The following ATP8B4 variants were observed in gnomAD, a reference collection of about 807,000 sequenced individuals.
ATP8B4 encodes the protein ATPase phospholipid transporting 8B4 (putative).
ATP8B4 carries 133 observed loss-of-function variants against 145.6 expected under a neutral mutation model. The ratio of observed to expected loss-of-function variants is 0.91; its 90% CI spans 0.79 to 1.05. The LOEUF (loss-of-function observed/expected upper bound fraction) is 1.05, where lower values mean the gene tolerates loss of function less well. Ranked by LOEUF, ATP8B4 falls within the 50% of genes least tolerant of loss-of-function variation. The pLI is 0.00. For missense variants in ATP8B4, 1,458 were observed against 1,425.2 expected, an observed-to-expected ratio of 1.02 and a Z score of -0.37; for synonymous variants, 507 against 492.9, an observed-to-expected ratio of 1.03 and a Z score of -0.38.
chr15:49,968,183 A>G (rs2044729941), intron 13 of ATP8B4, among the ~76,000 whole-genome samples: 1 of 152,254 alleles, frequency 6.6e-6, no homozygotes, highest in African/African-American at 2.4e-5. Context: ...ACCAAATTGT[A>G]AAGACCATTG....
At chr15:50,171,418 C>G (rs1237504850) in intron 1 of ATP8B4, among the ~76,000 whole-genome samples, 1 of 152,072 alleles carries the variant, frequency 6.6e-6, no homozygotes, top group Non-Finnish European at 1.5e-5. Context: ...CAAAACCATG[C>G]AAATACATGG....
chr15:50,011,058 A>G (rs1253946390), intron 6 of ATP8B4, 141 bp from the exon 7 acceptor site: 2 of 545,062 alleles, frequency 3.7e-6, no homozygotes, highest in African/African-American at 4.0e-5. Flanking sequence ...ATGGTCTTAC[A>G]TTAACACGGG....
rs534356269 is a variant in ATP8B4 at position 50,054,064 on chromosome 15, T to C, written c.88-6600A>G. Among the ~76,000 whole-genome samples the C allele has an allele frequency of 2.3e-3, 346 of 152,326 alleles. 4 individuals carry two copies. The highest frequency in any genetic ancestry group is 8.2e-3 in the African/African-American group (339 of 41,578). On this transcript the variant is annotated intron_variant, in intron 3 of 27. Transcript: ENST00000284509. ...CTAAATTGAAAGAATTATGCAAATA[T>C]AGGATTTTTGTGAGTGATCCCAAAT...
Position 50,003,274 on chromosome 15 carries a change from ATGTGTGTGTGTGTGTG to A in ATP8B4, c.436-1067_436-1052del, listed in dbSNP as rs10539979. Reference sequence around the variant, plus strand: ...TTTGCAACTCAAAAATAGGGTGTGCATGTGTGTGTGTGTGTGTGTGTGTGTGTGTGTGTGTGTGGTT... The same window carrying A: ...TTTGCAACTCAAAAATAGGGTGTGCATGTGTGTGTGTGTGTGTGTGTGGTT... On this transcript the variant is annotated intron_variant, in intron 7 of 27. Transcript: ENST00000284509. 7.8e-5 allele frequency among the ~76,000 whole-genome samples: 11 copies of A among 141,194 alleles called. No individual in the cohort carries two copies. In the East Asian group the frequency reaches 1.9e-3, roughly 25 times the overall value. The allele number at this position is 141,194 out of a possible 152,430, so 92.6% of individuals were successfully genotyped here.
At chr15:50,141,868 A>G (rs1232427370) in intron 1 of ATP8B4, among the ~76,000 whole-genome samples, 1 of 152,126 alleles carries the variant, frequency 6.6e-6, no homozygotes, top group East Asian at 1.9e-4. Context: ...CACACAACAT[A>G]TTTCCCTGAA....
intron 1 of ATP8B4, among the ~76,000 whole-genome samples, chr15:50,171,928 A>G (rs566364068): frequency 1.4e-4 from 22 of 152,370 alleles, no homozygotes; most frequent in Admixed American, 8.5e-4. Flanking sequence ...ATTCAAGGCT[A>G]CTATGAACAC....
chr15:50,009,210 T>C (rs2048538245), intron 7 of ATP8B4: 1 of 152,448 alleles, frequency 6.6e-6, no homozygotes, highest in Non-Finnish European at 1.5e-5. Context: ...GGGCAGATAC[T>C]GTTTACTGGT....
intron 14 of ATP8B4, among the ~76,000 whole-genome samples, chr15:49,937,035 A>C (rs981163087): frequency 6.6e-6 from 1 of 151,472 alleles, no homozygotes; most frequent in African/African-American, 2.4e-5. Flanking sequence ...CTGATGTTCG[A>C]GTTTTCCAAT....
rs113005293 is a variant in ATP8B4, at chr15:50,002,315, C to T, written c.436-92G>A. 118 of 982,364 alleles carry T rather than the reference C, an allele frequency of 1.2e-4. 1 individual carries two copies. In the African/African-American group the frequency reaches 1.4e-3, roughly 12 times the overall value. 60.9% of individuals were successfully genotyped at this position (982,364 alleles called of 1,614,324 possible). The stretch of plus-strand genomic sequence containing the variant: ...TATCACCTCTTGACTACTAAAGAGG[C>T]AACAGAGCCTCAGAAACAGAGTAAA... On this transcript the variant is annotated intron_variant, in intron 7 of 27. Coordinates refer to ENST00000284509, the MANE Select transcript of ATP8B4 (RefSeq NM_024837.4).
chr15:50,103,276 T>C (rs969214500), intron 2 of ATP8B4, among the ~76,000 whole-genome samples: 2 of 152,064 alleles, frequency 1.3e-5, no homozygotes, highest in African/African-American at 2.4e-5. Context: ...ATAAAGGGCA[T>C]CCAAATCAGT....
chr15:49,949,337 A>G (rs2153487971), intron 14 of ATP8B4, among the ~76,000 whole-genome samples: 1 of 152,184 alleles, frequency 6.6e-6, no homozygotes, highest in African/African-American at 2.4e-5. Context: ...GTTCTCTCTT[A>G]TGTCCTTGAG....
intron 2 of ATP8B4, among the ~76,000 whole-genome samples, chr15:50,086,117 T>C (rs2055020516): frequency 9.0e-6 from 1 of 111,086 alleles, no homozygotes; most frequent in Non-Finnish European, 1.6e-5. Context: ...TAAATATAGA[T>C]CTATATTATA....
At chr15:49,971,138 T>A (rs1180944498) in intron 13 of ATP8B4, among the ~76,000 whole-genome samples, 1 of 152,182 alleles carries the variant, frequency 6.6e-6, no homozygotes, top group Non-Finnish European at 1.5e-5. Context: ...GACTAAAAAG[T>A]TAAACATAAG....
intron 20 of ATP8B4, chr15:49,901,912 G>A: frequency 2.8e-6 from 1 of 361,206 alleles, no homozygotes; most frequent in Non-Finnish European, 5.3e-6. Context: ...GTTCCAAATG[G>A]AAACGCCCTC....
chr15:50,007,092 A>ACAAGGGAGTTCCCTG, intron 7 of ATP8B4, among the ~76,000 whole-genome samples: 1 of 65,638 alleles, frequency 1.5e-5, no homozygotes, highest in South Asian at 6.5e-4. Flanking sequence ...CAAATGCAGA[A>ACAAGGGAGTTCCCTG]CATAAAAAAA....
intron 20 of ATP8B4, among the ~76,000 whole-genome samples, chr15:49,904,393 G>GT (rs2038384083): frequency 6.6e-6 from 1 of 152,182 alleles, no homozygotes; most frequent in Non-Finnish European, 1.5e-5. Context: ...CAGCCAGTCA[G>GT]TTTGGCTAGT....
chr15:50,085,868 CATATATATTTATATATTTATATATG>C (rs1567330167), intron 2 of ATP8B4, among the ~76,000 whole-genome samples: 14 of 39,438 alleles, frequency 3.5e-4, no homozygotes, highest in African/African-American at 1.8e-3. Context: ...ATAAACGTAT[CATATATATTTATATATTTATATATG>C]ATATATATCA....
rs117646506 is a variant in ATP8B4, at chr15:49,993,662, C to T, written c.589+3015G>A. The stretch of plus-strand genomic sequence containing the variant: ...CATTCTTCTGATGTTTTCTTAGAAA[C>T]AGGAAATTATATTTTTACTTATTAG... On this transcript the variant is annotated intron_variant, in intron 9 of 27. Coordinates refer to ENST00000284509, the MANE Select transcript of ATP8B4 (RefSeq NM_024837.4). 1.4e-3 allele frequency among the ~76,000 whole-genome samples: 219 copies of T among 152,160 alleles called. 4 individuals are homozygous for T. In the East Asian group the frequency reaches 0.035, roughly 24 times the overall value.
rs1296343097 is a variant in ATP8B4, at chr15:50,156,077, TATATATATATATATAA to T, written c.-43+26168_-43+26183del. Reference sequence around the variant, plus strand: ...TTGGTAATAAATAAATAAATAAATATATATATATATATATAAATATATATATATAAATATATATATA... The same window carrying T: ...TTGGTAATAAATAAATAAATAAATATATATATATATATAAATATATATATA... On this transcript the variant is annotated intron_variant, in intron 1 of 3. Transcript: ENST00000558829. 5.4e-3 allele frequency among the ~76,000 whole-genome samples: 126 copies of T among 23,362 alleles called. 7 individuals are homozygous for T. Among genetic ancestry groups the T allele is most frequent in the African/African-American group, 0.013 (124 of 9,282 alleles). The allele number at this position is 23,362 out of a possible 152,430, so 15.3% of individuals were successfully genotyped here. A position where few individuals can be genotyped will look rare whatever the true frequency, so the allele number is the denominator to read the frequency against.
Sources: gnomAD v4.1 joint callset for allele counts (sites outside exome capture counted in the v4.1 genomes callset) on GRCh38, gnomAD v4.1.1 for gene constraint, MANE v1.5 for transcripts, NCBI Gene and HGNC (gene_info 2026-07-23, HGNC 2026-07-21) for gene names.